SPATS2: variants seen among roughly 807,000 people sequenced by gnomAD.
SPATS2 encodes spermatogenesis associated serine rich 2.
In SPATS2, 38 loss-of-function variants were observed where a neutral mutation model predicts 63.7. That is an observed-to-expected ratio of 0.60 (90% confidence interval 0.46 to 0.78). The LOEUF is 0.78. Ranked by LOEUF, SPATS2 falls within the 30% of genes least tolerant of loss-of-function variation. The pLI is 0.00. For missense variants in SPATS2, 588 were observed against 666.2 expected (o/e 0.88, Z 1.29); for synonymous variants, 207 against 232.9 (o/e 0.89, Z 1.01).
intron 2 of SPATS2, among the ~76,000 whole-genome samples, chr12:49,412,162 A>G (rs1004580364): frequency 2.0e-5 from 3 of 152,168 alleles, no homozygotes; most frequent in African/African-American, 7.2e-5. Flanking sequence ...CAGAGGAGAT[A>G]GCATGACCAT....
rs566454286 is a variant in SPATS2 at position 49,494,926 on chromosome 12, T to G, written c.450T>G (p.Gly150=). 6 of 1,613,956 alleles carry G rather than the reference T, an allele frequency of 3.7e-6. No individual in the cohort carries two copies. The African/African-American group carries it at 8.0e-5, about 22-fold the overall frequency. The change falls in exon 7 of 14, where the codon GGT becomes GGG. Residue 150 remains glycine, a synonymous_variant. Transcript: ENST00000552918. ...AGTCTGTGGACTCACTCAGTGAAGG[T>G]TTGGAGACACTTTCAATAGATGCCA... ...DTESVDSLSE[G]LETLSIDARE...
chr12:49,484,605 T>G lies in SPATS2; in HGVS notation c.41T>G (p.Ile14Ser). 6.2e-7 allele frequency: 1 copy of G among 1,613,848 alleles called. No homozygotes were observed. The highest frequency in any genetic ancestry group is 8.5e-7 in the Non-Finnish European group (1 of 1,179,820). Residue 14 changes from isoleucine to serine, a missense_variant, in exon 4 of 14, where the codon ATT becomes AGT. Transcript: ENST00000552918. ...ATTCTTTCAGATTCATCAGGATTCA[T>G]TTTTGATTTGCAGTCCAATACCGTA... ...KQNQKDSSGFIFDLQSNTVLA... is the reference protein window; with the variant it reads ...KQNQKDSSGFSFDLQSNTVLA...
At chr12:49,431,430 A>C (rs1398973045) in intron 2 of SPATS2, among the ~76,000 whole-genome samples, 1 of 152,030 alleles carries the variant, frequency 6.6e-6, no homozygotes, top group Non-Finnish European at 1.5e-5. Context: ...TTGCTTTTTT[A>C]GTAGAGACGG....
Position 49,387,483 on chromosome 12 carries a change from A to C in SPATS2, c.-244+16193A>C, listed in dbSNP as rs563753192. 6.6e-5 allele frequency among the ~76,000 whole-genome samples: 10 copies of C among 151,902 alleles called. No individual in the cohort carries two copies. The South Asian group carries it at 2.1e-3, about 32-fold the overall frequency. On this transcript the variant is annotated intron_variant, in intron 2 of 13. Transcript: ENST00000552918. ...GAAAACCCATCTCTACTAAAAATACAAAAATTGGCCAGGCGCGGTGATGCA... is the reference window on the plus strand; with the variant it reads ...GAAAACCCATCTCTACTAAAAATACCAAAATTGGCCAGGCGCGGTGATGCA...
intron 2 of SPATS2, among the ~76,000 whole-genome samples, chr12:49,405,020 A>G (rs1221813062): frequency 1.3e-5 from 2 of 150,706 alleles, no homozygotes; most frequent in Non-Finnish European, 2.9e-5. Context: ...CTGCTTTCAC[A>G]CTGCAGCAGC....
chr12:49,520,920 T>G (rs1946931023), intron 11 of SPATS2, among the ~76,000 whole-genome samples: 1 of 152,024 alleles, frequency 6.6e-6, no homozygotes. Context: ...GGTTTCACCA[T>G]GTTGGCCAGG....
intron 9 of SPATS2, among the ~76,000 whole-genome samples, chr12:49,510,310 C>T (rs766291124): frequency 2.9e-4 from 43 of 150,270 alleles, no homozygotes; most frequent in Admixed American, 8.6e-4. Context: ...GCCTGTAATC[C>T]TAGTACTTTG....
At chr12:49,381,520 T>C (rs775961716) in intron 2 of SPATS2, among the ~76,000 whole-genome samples, 5 of 152,210 alleles carry the variant, frequency 3.3e-5, no homozygotes, top group Non-Finnish European at 5.9e-5. Flanking sequence ...ATACATAAAA[T>C]CAGTTTATCT....
intron 2 of SPATS2, among the ~76,000 whole-genome samples, chr12:49,421,088 T>C (rs11613908): frequency 0.092 from 13,960 of 152,198 alleles, 755 homozygotes; most frequent in African/African-American, 0.14. Flanking sequence ...TGTTGCCCCT[T>C]ACACTGATAG....
intron 2 of SPATS2, among the ~76,000 whole-genome samples, chr12:49,376,885 A>AT (rs1944116002): frequency 6.6e-6 from 1 of 151,616 alleles, no homozygotes; most frequent in African/African-American, 2.4e-5. Context: ...TGCCTGGCTA[A>AT]TTTTTGTATT....
intron 2 of SPATS2, among the ~76,000 whole-genome samples, chr12:49,408,985 A>G (rs1486357354): frequency 2.0e-5 from 3 of 152,204 alleles, no homozygotes; most frequent in Admixed American, 2.0e-4. Context: ...TCATGAACCT[A>G]AATGAATGCA....
In SPATS2 at chr12:49,401,751, G is replaced by T. The variant is rs377441411; in HGVS notation, c.-244+30461G>T. 3.1e-3 allele frequency among the ~76,000 whole-genome samples: 472 copies of T among 152,180 alleles called. 8 individuals are homozygous for T. Among genetic ancestry groups the T allele is most frequent in the African/African-American group, 0.011 (446 of 41,510 alleles). On this transcript the variant is annotated intron_variant, in intron 2 of 13. Transcript: ENST00000552918. ...CTCACTCTGTCGCCCCGACTGGAGT[G>T]CAGTGGCACGATCTCAGCTCACTGC...
chr12:49,389,854 T>C (rs955689637), intron 2 of SPATS2: 2 of 851,624 alleles, frequency 2.3e-6, no homozygotes, highest in Non-Finnish European at 4.1e-6. Context: ...AGATTGCTAA[T>C]GGCTAGCAAA....
chr12:49,435,787 C>CG (rs199631668), intron 2 of SPATS2, among the ~76,000 whole-genome samples: 12,777 of 149,720 alleles, frequency 0.085, 524 homozygotes, highest in African/African-American at 0.14. Context: ...GAGGACCCTG[C>CG]GGCCTTCCGC....
intron 3 of SPATS2, among the ~76,000 whole-genome samples, chr12:49,477,639 T>G (rs1946140802): frequency 6.6e-6 from 1 of 152,086 alleles, no homozygotes; most frequent in South Asian, 2.1e-4. Flanking sequence ...CTTAAATAAG[T>G]TTTGAAGAAT....
intron 2 of SPATS2, among the ~76,000 whole-genome samples, chr12:49,383,957 A>G (rs1944266980): frequency 6.6e-6 from 1 of 152,238 alleles, no homozygotes; most frequent in Non-Finnish European, 1.5e-5. Context: ...GTACTTTGAC[A>G]TAATTTTAGA....
Position 49,493,099 on chromosome 12 carries a change from TAA to T in SPATS2, c.265-1625_265-1624del, listed in dbSNP as rs559171414. Reference sequence around the variant, plus strand: ...GGCAACAAGAGCGAAACTCCGTCTTTAAAAAAAAAAAAAAAAAAGAAAGAAAG... The same window carrying T: ...GGCAACAAGAGCGAAACTCCGTCTTTAAAAAAAAAAAAAAAAGAAAGAAAG... On this transcript the variant is annotated intron_variant, in intron 6 of 13. Transcript: ENST00000552918. Among the ~76,000 whole-genome samples, 367 of 126,340 alleles carry T rather than the reference TAA, an allele frequency of 2.9e-3. 1 individual carries two copies. The highest frequency in any genetic ancestry group is 5.7e-3 in the African/African-American group (198 of 34,862). The allele number at this position is 126,340 out of a possible 152,430, so 82.9% of individuals were successfully genotyped here. A position where few individuals can be genotyped will look rare whatever the true frequency, so the allele number is the denominator to read the frequency against.
At chr12:49,417,823 G>T (rs536581961) in intron 2 of SPATS2, among the ~76,000 whole-genome samples, 75 of 152,218 alleles carry the variant, frequency 4.9e-4, no homozygotes, top group African/African-American at 1.7e-3. Flanking sequence ...TATTTTTCTT[G>T]GTATCCAGAT....
intron 2 of SPATS2, among the ~76,000 whole-genome samples, chr12:49,383,507 C>T (rs1236324790): frequency 6.6e-6 from 1 of 152,026 alleles, no homozygotes; most frequent in African/African-American, 2.4e-5. Flanking sequence ...GCCACACAGG[C>T]TCAAGTGATC....
Sources: gnomAD v4.1 joint callset for allele counts (sites outside exome capture counted in the v4.1 genomes callset) on GRCh38, gnomAD v4.1.1 for gene constraint, MANE v1.5 for transcripts, NCBI Gene and HGNC (gene_info 2026-07-23, HGNC 2026-07-21) for gene names.